The following RAPGEF6 variants were observed in gnomAD, a reference collection of about 807,000 sequenced individuals.
RAPGEF6 encodes Rap guanine nucleotide exchange factor 6.
RAPGEF6 carries 56 observed loss-of-function variants against 171.4 expected under a neutral mutation model. The observed-to-expected ratio is 0.33, with a 90% CI of 0.26 to 0.41. The LOEUF (loss-of-function observed/expected upper bound fraction) is 0.41. Among genes scored for constraint, RAPGEF6 ranks in the 10% least tolerant of loss-of-function variants. RAPGEF6 has a pLI of 1.00. For synonymous variants in RAPGEF6, 692 were observed against 650.1 expected, an observed-to-expected ratio of 1.06 and a Z score of -0.98; for missense variants, 1,674 against 1,921.4, an observed-to-expected ratio of 0.87 and a Z score of 2.41.
intron 4 of RAPGEF6, among the ~76,000 whole-genome samples, chr5:131,572,004 A>T (rs1762327915): frequency 6.6e-6 from 1 of 151,964 alleles, no homozygotes; most frequent in African/African-American, 2.4e-5. Context: ...ATTGCTCCTA[A>T]CACCACCGCC....
At chr5:131,523,182 G>A (rs1758617680) in intron 6 of RAPGEF6, among the ~76,000 whole-genome samples, 1 of 149,990 alleles carries the variant, frequency 6.7e-6, no homozygotes, top group Non-Finnish European at 1.5e-5. Flanking sequence ...TAAAATAACT[G>A]TCTTTAATAT....
intron 5 of RAPGEF6, among the ~76,000 whole-genome samples, chr5:131,555,850 T>C (rs1329564413): frequency 2.6e-5 from 4 of 152,192 alleles, no homozygotes; most frequent in African/African-American, 9.7e-5. Context: ...TCTGAGAAAC[T>C]AGTTGTTAGG....
chr5:131,535,829 T>C (rs1759728203), intron 6 of RAPGEF6, among the ~76,000 whole-genome samples: 1 of 152,142 alleles, frequency 6.6e-6, no homozygotes, highest in South Asian at 2.1e-4. Flanking sequence ...AAACTAACTG[T>C]AAACACATCT....
At chr5:131,499,917 G>C (rs1480022538) in intron 11 of RAPGEF6, among the ~76,000 whole-genome samples, 1 of 152,084 alleles carries the variant, frequency 6.6e-6, no homozygotes, top group East Asian at 1.9e-4. Flanking sequence ...ATTTATTTTT[G>C]AGACGGAGTC....
At chr5:131,485,234 G>C (rs912319466) in intron 15 of RAPGEF6, among the ~76,000 whole-genome samples, 3 of 152,086 alleles carry the variant, frequency 2.0e-5, no homozygotes, top group Admixed American at 6.5e-5. Context: ...GCTAGAAGTG[G>C]GATTTTTAAA....
intron 24 of RAPGEF6, chr5:131,436,042 C>G: frequency 6.5e-7 from 1 of 1,536,772 alleles, no homozygotes; most frequent in Non-Finnish European, 8.7e-7. Flanking sequence ...GAAGATGGCA[C>G]TCCCTTTCTC....
intron 6 of RAPGEF6, among the ~76,000 whole-genome samples, chr5:131,533,591 C>T (rs898682199): frequency 6.6e-6 from 1 of 151,940 alleles, no homozygotes; most frequent in Non-Finnish European, 1.5e-5. Flanking sequence ...AATATACAAA[C>T]TAGTACTAAG....
At chr5:131,495,719 G>A in intron 12 of RAPGEF6, 59 bp from the exon 13 acceptor site, 4 of 1,552,262 alleles carry the variant, frequency 2.6e-6, no homozygotes, top group East Asian at 2.3e-5. Flanking sequence ...CTGCACAAGT[G>A]GATTCCAAAA....
At chr5:131,520,726 T>A (rs1200607389) in intron 7 of RAPGEF6, among the ~76,000 whole-genome samples, 1 of 152,188 alleles carries the variant, frequency 6.6e-6, no homozygotes, top group Non-Finnish European at 1.5e-5. Flanking sequence ...AAAGAAGACA[T>A]CATAGAAGTT....
intron 12 of RAPGEF6, among the ~76,000 whole-genome samples, 198 bp from the exon 13 acceptor site, chr5:131,495,858 C>G (rs1756606734): frequency 6.6e-6 from 1 of 152,148 alleles, no homozygotes; most frequent in African/African-American, 2.4e-5. Context: ...GTAACAGAGC[C>G]AGGACACTGT....
At chr5:131,507,475 T>C (rs1354556781) in intron 9 of RAPGEF6, among the ~76,000 whole-genome samples, 1 of 152,048 alleles carries the variant, frequency 6.6e-6, no homozygotes, top group Non-Finnish European at 1.5e-5. Flanking sequence ...ATGAGTACAT[T>C]TGATAGGAAA....
intron 18 of RAPGEF6, chr5:131,463,466 C>T (rs1444393171): frequency 1.9e-5 from 3 of 162,034 alleles, no homozygotes; most frequent in Non-Finnish European, 3.9e-5. Context: ...GTAGTCCCAG[C>T]TACTCAGAAG....
In RAPGEF6 at chr5:131,548,109, T is replaced by G. The variant is rs779537599; in HGVS notation, c.433A>C (p.Ile145Leu). The G allele has an allele frequency of 6.2e-7, 1 of 1,614,084 alleles. No homozygotes were observed. ...GTTTGGCGCTCTCCTTTATAGTTAA[T>G]TTTCCGAAATCTTCTTCGGGATTGT... The part of the protein sequence containing the change: ...ARQSRRRFRK[I>L]NYKGERQTIT... The change falls in exon 6 of 28, where the codon ATT (isoleucine) becomes CTT (leucine). Residue 145 changes from isoleucine to leucine, a missense_variant. This residue lies in a region of RAPGEF6 where 1,116 missense variants were observed against 1,321.5 expected (regional missense o/e 0.84). Transcript: ENST00000509018.
intron 13 of RAPGEF6, among the ~76,000 whole-genome samples, chr5:131,495,284 C>T (rs1413154152): frequency 6.7e-6 from 1 of 148,400 alleles, no homozygotes; most frequent in Non-Finnish European, 1.5e-5. Flanking sequence ...GACAGCGAGA[C>T]TCCGTCTCAA....
chr5:131,562,783 T>C (rs566454072), intron 4 of RAPGEF6, among the ~76,000 whole-genome samples: 61 of 152,286 alleles, frequency 4.0e-4, no homozygotes, highest in African/African-American at 1.4e-3. Context: ...ATCCATTTTT[T>C]TTTCCAGGAT....
intron 4 of RAPGEF6, among the ~76,000 whole-genome samples, chr5:131,565,895 C>T (rs1344446734): frequency 1.3e-5 from 2 of 152,132 alleles, no homozygotes; most frequent in East Asian, 3.9e-4. Flanking sequence ...CCTGTAATCC[C>T]AGCACTTTGG....
At chr5:131,576,932 T>C (rs1276869927) in intron 4 of RAPGEF6, among the ~76,000 whole-genome samples, 1 of 152,170 alleles carries the variant, frequency 6.6e-6, no homozygotes, top group East Asian at 1.9e-4. Flanking sequence ...CATCTGCTAC[T>C]CTACCACCCC....
At chr5:131,506,337 A>G (rs1161882411) in intron 9 of RAPGEF6, among the ~76,000 whole-genome samples, 2 of 152,086 alleles carry the variant, frequency 1.3e-5, no homozygotes, top group African/African-American at 4.8e-5. Flanking sequence ...AGGTCTTGCT[A>G]TGTTCCCCAG....
At chr5:131,542,217 C>T (rs1445974963) in intron 6 of RAPGEF6, among the ~76,000 whole-genome samples, 3 of 152,094 alleles carry the variant, frequency 2.0e-5, no homozygotes, top group East Asian at 1.9e-4. Flanking sequence ...TTGGTAAGCA[C>T]TTTTTATATC....
Sources: gnomAD v4.1 joint callset for allele counts (sites outside exome capture counted in the v4.1 genomes callset) on GRCh38, gnomAD v4.1.1 for gene constraint, gnomAD v4.1.1 regional missense constraint, MANE v1.5 for transcripts, NCBI Gene and HGNC (gene_info 2026-07-23, HGNC 2026-07-21) for gene names.